WNK1: variants seen among roughly 807,000 people sequenced by gnomAD.
WNK1 encodes WNK lysine deficient protein kinase 1, also known as serine/threonine-protein kinase WNK1.
WNK1 carries 38 observed loss-of-function variants against 222.8 expected under a neutral mutation model. The ratio of observed to expected loss-of-function variants is 0.17; its 90% CI spans 0.13 to 0.22. The LOEUF (loss-of-function observed/expected upper bound fraction) is 0.22, where lower values mean the gene tolerates loss of function less well. Ranked by LOEUF, WNK1 falls within the 10% of genes least tolerant of loss-of-function variation. The probability of loss-of-function intolerance (pLI) is 1.00; values close to 1 mark genes in which losing one functional copy is unlikely to be tolerated. For synonymous variants in WNK1, 1,090 were observed against 1,092.9 expected (o/e 1.00, Z 0.05); for missense variants, 2,348 against 2,918.4 (o/e 0.80, Z 4.50).
Position 861,161 on chromosome 12 carries a change from A to G in WNK1, c.1769A>G (p.Lys590Arg), listed in dbSNP as rs780986326. ...EKKKQEESSL[K>R]QQVEQSSASQ... ...AAAAAGCAGGAAGAGAGCAGTCTCA[A>G]ACAGCAGGTAGAACAATCCAGTGCT... Residue 590 changes from lysine to arginine, a missense_variant, in exon 7 of 28, where the codon AAA becomes AGA. Lys to Arg is a conservative substitution (Grantham distance 26, BLOSUM62 2). This residue lies in a region of WNK1 where 103 missense variants were observed against 111.5 expected (regional missense o/e 0.92). Transcript: ENST00000315939. The G allele has an allele frequency of 1.4e-5, 23 of 1,614,050 alleles. No homozygotes were observed. Among genetic ancestry groups the G allele is most frequent in the South Asian group, 3.3e-5 (3 of 91,084 alleles).
chr12:875,145 G>A (rs1050144068), intron 9 of WNK1, among the ~76,000 whole-genome samples: 2 of 152,192 alleles, frequency 1.3e-5, no homozygotes, highest in African/African-American at 4.8e-5. Context: ...GAAGGTATAA[G>A]TTCAGGAAAG....
chr12:843,827 T>A (rs1949809580), intron 4 of WNK1, among the ~76,000 whole-genome samples: 1 of 152,214 alleles, frequency 6.6e-6, no homozygotes, highest in Non-Finnish European at 1.5e-5. Context: ...AAAATCTGCA[T>A]TTTACATAGT....
chr12:765,556 AT>A (rs200700675), intron 1 of WNK1, among the ~76,000 whole-genome samples: 5 of 149,612 alleles, frequency 3.3e-5, no homozygotes, highest in African/African-American at 7.3e-5. Context: ...CTCAAAAACA[AT>A]TTTTTTTTAA....
rs184673144 is a variant in WNK1, at chr12:856,102, G to A, written c.1312-1059G>A. On this transcript the variant is annotated intron_variant, in intron 4 of 27. Transcript: ENST00000315939. ...ATCTGCCCACCTCAGCCTCCCCAAA[G>A]TGCTGGGATTACAGGTGTGAGCCAC... is the stretch of plus-strand genomic sequence containing the variant. Among the ~76,000 whole-genome samples the A allele has an allele frequency of 4.2e-3, 632 of 151,694 alleles. 4 individuals are homozygous for A. Among genetic ancestry groups the A allele is most frequent in the African/African-American group, 0.014 (595 of 41,414 alleles).
chr12:847,202 C>T (rs1255136422), intron 4 of WNK1, among the ~76,000 whole-genome samples: 1 of 152,106 alleles, frequency 6.6e-6, no homozygotes, highest in East Asian at 1.9e-4. Context: ...GAATATTGAT[C>T]TGTAATTCAC....
At chr12:882,163 T>G (rs1388458281) in intron 14 of WNK1, 90 bp downstream of exon 14, 5 of 1,384,070 alleles carry the variant, frequency 3.6e-6, no homozygotes, top group Non-Finnish European at 5.0e-6. Context: ...AACCACTCAC[T>G]TCATAAAATA....
chr12:814,088 CGGATCACCTGAGGTT>C (rs1947129464), intron 2 of WNK1, among the ~76,000 whole-genome samples: 1 of 151,088 alleles, frequency 6.6e-6, no homozygotes, highest in Admixed American at 6.6e-5. Context: ...CCGGGGCAGG[CGGATCACCTGAGGTT>C]GGATCACCTG....
Position 908,589 on chromosome 12 carries a change from T to G in WNK1, c.6946T>G (p.Phe2316Val). The part of the protein sequence containing the change: ...SAASATSLGH[F>V]TKSMCPPQQY... ...AGCATCAGCTACCTCTCTAGGTCAC[T>G]TCACCAAGTCTATGTGCCCCCCACA... Residue 2316 changes from phenylalanine to valine, a missense_variant, in exon 28 of 28, where the codon TTC becomes GTC. Physicochemically the swap from Phe to Val is conservative, Grantham distance 50. Around this residue, in one of 13 missense-constraint regions of WNK1, gnomAD observed 76 missense variants for 85.7 expected, o/e 0.89. Coordinates refer to ENST00000315939, the MANE Select transcript of WNK1 (RefSeq NM_018979.4). 1 of 1,614,146 alleles carries G rather than the reference T, an allele frequency of 6.2e-7. No homozygotes were observed. The highest frequency in any genetic ancestry group is 8.5e-7 in the Non-Finnish European group (1 of 1,180,032).
intron 1 of WNK1, among the ~76,000 whole-genome samples, chr12:756,655 T>C (rs1940081041): frequency 6.6e-6 from 1 of 152,206 alleles, no homozygotes; most frequent in South Asian, 2.1e-4. Flanking sequence ...TTAGGCAGTA[T>C]TTTTGGTTTT....
intron 10 of WNK1, among the ~76,000 whole-genome samples, chr12:878,785 G>GTTTTTTTTT (rs201321240): frequency 2.8e-4 from 34 of 123,132 alleles, no homozygotes; most frequent in East Asian, 7.8e-4. Flanking sequence ...TGTGTGGAAT[G>GTTTTTTTTT]TTTTTTTTTC....
At chr12:886,210 T>G in intron 19 of WNK1, 126 bp downstream of exon 19, 1 of 873,222 alleles carries the variant, frequency 1.1e-6, no homozygotes, top group Non-Finnish European at 1.7e-6. Context: ...CTTATAGTAT[T>G]TATTAAATTG....
chr12:904,476 C>T (rs755310292), intron 26 of WNK1: 6 of 1,289,050 alleles, frequency 4.7e-6, no homozygotes, highest in Non-Finnish European at 6.1e-6. Context: ...AAAAGTCTGT[C>T]CTTGCAACCA....
At chr12:844,842 A>G (rs1949902800) in intron 4 of WNK1, among the ~76,000 whole-genome samples, 1 of 151,168 alleles carries the variant, frequency 6.6e-6, no homozygotes, top group Admixed American at 6.6e-5. Context: ...TATATAAGCA[A>G]TCATGATGAT....
intron 4 of WNK1, among the ~76,000 whole-genome samples, chr12:850,778 T>C (rs1950363903): frequency 6.6e-6 from 1 of 152,238 alleles, no homozygotes; most frequent in Non-Finnish European, 1.5e-5. Context: ...AGTTTCAGCT[T>C]TCTACATATG....
intron 1 of WNK1, among the ~76,000 whole-genome samples, chr12:791,138 C>T (rs1944790982): frequency 6.6e-6 from 1 of 151,758 alleles, no homozygotes; most frequent in Non-Finnish European, 1.5e-5. Flanking sequence ...TTGTGGATGT[C>T]ATAGTACCAC....
chr12:853,194 A>T (rs1308503943), intron 4 of WNK1, among the ~76,000 whole-genome samples: 1 of 152,170 alleles, frequency 6.6e-6, no homozygotes, highest in Non-Finnish European at 1.5e-5. Context: ...AATTTTCTAT[A>T]CAAAACTCTT....
intron 19 of WNK1, 131 bp from the exon 20 acceptor site, chr12:887,090 G>A (rs1249810126): frequency 2.4e-6 from 2 of 850,652 alleles, no homozygotes; most frequent in Non-Finnish European, 3.9e-6. Flanking sequence ...AGTAACCTCA[G>A]TGATAAACAT....
chr12:879,234 C>T (rs1952899807), intron 10 of WNK1, among the ~76,000 whole-genome samples: 1 of 151,808 alleles, frequency 6.6e-6, no homozygotes, highest in African/African-American at 2.4e-5. Flanking sequence ...AAAATATATT[C>T]CAATAAAGCT....
rs1952993128 is a variant in WNK1 at position 879,886 on chromosome 12, T to A, written c.2687T>A (p.Leu896His). 1 of 1,614,030 alleles carries A rather than the reference T, an allele frequency of 6.2e-7. No individual in the cohort carries two copies. Among genetic ancestry groups the A allele is most frequent in the Admixed American group, 1.7e-5 (1 of 60,004 alleles). The change falls in exon 11 of 28, where the codon CTT (leucine) becomes CAT (histidine). Residue 896 changes from leucine to histidine, a missense_variant. Transcript: ENST00000315939. ...GTATCAACTGTGGTTCCTAGTCAGC[T>A]TCCAACCCTTCTGCAGCCTGTGACT... is the stretch of plus-strand genomic sequence containing the variant. Reference protein sequence around the residue: ...PGVSTVVPSQLPTLLQPVTQL... With the variant: ...PGVSTVVPSQHPTLLQPVTQL...
Sources: gnomAD v4.1 joint callset for allele counts (sites outside exome capture counted in the v4.1 genomes callset) on GRCh38, gnomAD v4.1.1 for gene constraint, gnomAD v4.1.1 regional missense constraint, MANE v1.5 for transcripts, NCBI Gene and HGNC (gene_info 2026-07-23, HGNC 2026-07-21) for gene names.